Variants in MDGA2 observed in about 807,000 individuals in gnomAD.
The protein encoded by MDGA2 is MAM domain-containing glycosylphosphatidylinositol anchor protein 2.
In MDGA2, 40 loss-of-function variants were observed where a neutral mutation model predicts 117.8. The ratio of observed to expected loss-of-function variants is 0.34; its 90% CI spans 0.26 to 0.44. MDGA2 has a LOEUF of 0.44. MDGA2 is among the 20% of genes least tolerant of loss of function. MDGA2 has a pLI of 1.00. For missense variants in MDGA2, 1,123 were observed against 1,250.6 expected (o/e 0.90, Z 1.54); for synonymous variants, 452 against 439.0 (o/e 1.03, Z -0.37).
At chr14:47,523,512 G>T (rs1437233520) in intron 1 of MDGA2, among the ~76,000 whole-genome samples, 8 of 152,114 alleles carry the variant, frequency 5.3e-5, no homozygotes, top group African/African-American at 1.9e-4. Flanking sequence ...CTGGAATTCA[G>T]AATACTTAGA....
chr14:47,319,649 T>G (rs183941469), intron 1 of MDGA2, among the ~76,000 whole-genome samples: 1 of 152,302 alleles, frequency 6.6e-6, no homozygotes, highest in Admixed American at 6.5e-5. Flanking sequence ...AGATATTTCA[T>G]CTACTATTTT....
In MDGA2 at chr14:46,906,317, G is replaced by A. The variant is rs548306768; in HGVS notation, c.2238+13695C>T. Among the ~76,000 whole-genome samples the A allele has an allele frequency of 5.3e-5, 8 of 151,800 alleles. No homozygotes were observed. In the South Asian group the frequency reaches 1.5e-3, roughly 28 times the overall value. Reference sequence around the variant, plus strand: ...ATAATAATAATAATAATTTTACTGAGAGTTTACTGTGTGCTACTAAATTCA... The same window carrying A: ...ATAATAATAATAATAATTTTACTGAAAGTTTACTGTGTGCTACTAAATTCA... On this transcript the variant is annotated intron_variant, in intron 10 of 16. Transcript: ENST00000399232.
intron 1 of MDGA2, among the ~76,000 whole-genome samples, chr14:47,338,445 T>C (rs1315877589): frequency 6.6e-6 from 1 of 151,900 alleles, no homozygotes; most frequent in Non-Finnish European, 1.5e-5. Context: ...ATATGAAATA[T>C]ATATAGATAT....
chr14:47,669,489 G>A (rs1261894550), intron 1 of MDGA2, among the ~76,000 whole-genome samples: 1 of 152,108 alleles, frequency 6.6e-6, no homozygotes, highest in Non-Finnish European at 1.5e-5. Context: ...GGAAATATAG[G>A]ACATGAGCAA....
At chr14:47,065,518 G>A (rs1890048082) in intron 6 of MDGA2, among the ~76,000 whole-genome samples, 1 of 152,170 alleles carries the variant, frequency 6.6e-6, no homozygotes, top group African/African-American at 2.4e-5. Context: ...AGGGAACATT[G>A]CCTTCAGAGA....
intron 1 of MDGA2, among the ~76,000 whole-genome samples, chr14:47,315,921 AAAAAC>A (rs1371119545): frequency 4.1e-5 from 6 of 146,768 alleles, no homozygotes; most frequent in African/African-American, 1.0e-4. Context: ...GTATTGGCAA[AAAAAC>A]AAAACAAAAC....
chr14:47,425,600 A>G (rs1286971938), intron 1 of MDGA2, among the ~76,000 whole-genome samples: 1 of 152,130 alleles, frequency 6.6e-6, no homozygotes, highest in African/African-American at 2.4e-5. Flanking sequence ...AGGAATGTCA[A>G]GGAGTGTTAG....
At chr14:46,962,058 G>A (rs1019041888) in intron 8 of MDGA2, among the ~76,000 whole-genome samples, 1 of 152,084 alleles carries the variant, frequency 6.6e-6, no homozygotes, top group African/African-American at 2.4e-5. Flanking sequence ...TATGCTATTT[G>A]TTGCCCTTTA....
At chr14:47,219,678 C>T (rs1478748187) in intron 2 of MDGA2, among the ~76,000 whole-genome samples, 1 of 151,754 alleles carries the variant, frequency 6.6e-6, no homozygotes, top group Non-Finnish European at 1.5e-5. Flanking sequence ...GATATAAATG[C>T]TAAACGATAG....
At chr14:47,318,604 A>T (rs1436609423) in intron 1 of MDGA2, among the ~76,000 whole-genome samples, 1 of 152,278 alleles carries the variant, frequency 6.6e-6, no homozygotes, top group East Asian at 1.9e-4. Flanking sequence ...GTTAAAAATA[A>T]ACTCCTTACA....
intron 1 of MDGA2, among the ~76,000 whole-genome samples, chr14:47,669,055 C>T (rs1469017393): frequency 6.6e-6 from 1 of 152,120 alleles, no homozygotes; most frequent in Non-Finnish European, 1.5e-5. Flanking sequence ...TACAATTGAA[C>T]TCACAAGGCT....
At chr14:46,885,881 A>G (rs952663718) in intron 10 of MDGA2, among the ~76,000 whole-genome samples, 1 of 152,124 alleles carries the variant, frequency 6.6e-6, no homozygotes, top group African/African-American at 2.4e-5. Context: ...TGAGTTTAAG[A>G]AACCTTAGTC....
chr14:47,496,683 TTTAA>T (rs987345078), intron 1 of MDGA2, among the ~76,000 whole-genome samples: 89 of 151,496 alleles, frequency 5.9e-4, no homozygotes, highest in African/African-American at 2.1e-3. Flanking sequence ...TGATATACTG[TTTAA>T]TTAATTATAA....
rs896249923 is a variant in MDGA2 at position 46,884,736 on chromosome 14, C to T, written c.2239-2515G>A. The stretch of plus-strand genomic sequence containing the variant: ...TTGAATTGGAACCTTATATCTTATA[C>T]ATAAAATTCAGTCTCAGGAGTATTA... On this transcript the variant is annotated intron_variant, in intron 10 of 16. Transcript: ENST00000399232. This position sits in a 1 kb window ranked among gnomAD's most constrained non-coding sequence, Gnocchi z 4.1. Among the ~76,000 whole-genome samples, 5 of 152,046 alleles carry T rather than the reference C, an allele frequency of 3.3e-5. No individual in the cohort carries two copies. The highest frequency in any genetic ancestry group is 1.2e-4 in the African/African-American group (5 of 41,402).
intron 8 of MDGA2, among the ~76,000 whole-genome samples, chr14:46,989,770 G>T (rs1887011893): frequency 6.6e-6 from 1 of 151,982 alleles, no homozygotes; most frequent in Admixed American, 6.6e-5. Flanking sequence ...AGATGGCAGA[G>T]GAGACAGCTG....
intron 9 of MDGA2, among the ~76,000 whole-genome samples, chr14:46,955,112 A>C: frequency 6.6e-6 from 1 of 152,086 alleles, no homozygotes; most frequent in East Asian, 1.9e-4. Context: ...GACATTTTGA[A>C]TCTTTGATAA....
chr14:47,057,019 G>C (rs1250364189), intron 7 of MDGA2, among the ~76,000 whole-genome samples: 2 of 151,840 alleles, frequency 1.3e-5, no homozygotes, highest in African/African-American at 4.8e-5. Flanking sequence ...ATAAAATATA[G>C]CTTCAGTAAT....
chr14:47,457,337 C>T (rs975843486), intron 1 of MDGA2, among the ~76,000 whole-genome samples: 5 of 152,104 alleles, frequency 3.3e-5, no homozygotes, highest in Admixed American at 1.3e-4. Flanking sequence ...TGAGAGCATG[C>T]ATTTTAAAAG....
intron 1 of MDGA2, among the ~76,000 whole-genome samples, chr14:47,317,910 A>G (rs1406813656): frequency 6.6e-6 from 1 of 152,082 alleles, no homozygotes; most frequent in Non-Finnish European, 1.5e-5. Context: ...AATATATCCA[A>G]TTGAATTCAC....
Sources: gnomAD v4.1 joint callset for allele counts (sites outside exome capture counted in the v4.1 genomes callset) on GRCh38, gnomAD v4.1.1 for gene constraint, Gnocchi (gnomAD v3.1) non-coding constraint, MANE v1.5 for transcripts, NCBI Gene and HGNC (gene_info 2026-07-23, HGNC 2026-07-21) for gene names.